The following MCU variants were observed in gnomAD, a reference collection of about 807,000 sequenced individuals.
MCU encodes the protein calcium uniporter protein, mitochondrial.
Under a neutral mutation model 45.2 loss-of-function variants are expected in MCU, and 12 were observed. The ratio of observed to expected loss-of-function variants is 0.27; its 90% CI spans 0.17 to 0.43. The LOEUF is 0.43. Ranked by LOEUF, MCU falls within the 20% of genes least tolerant of loss-of-function variation. MCU has a pLI of 1.00. For missense variants in MCU, 324 were observed against 436.7 expected (o/e 0.74, Z 2.30); for synonymous variants, 160 against 165.1 (o/e 0.97, Z 0.24).
At chr10:72,881,587 T>C (rs1273005159) in intron 6 of MCU, among the ~76,000 whole-genome samples, 4 of 152,126 alleles carry the variant, frequency 2.6e-5, no homozygotes, top group East Asian at 1.9e-4. Context: ...AGAGGGTAAA[T>C]AGGCTGGAAG....
At chr10:72,755,012 A>G (rs1487160041) in intron 1 of MCU, among the ~76,000 whole-genome samples, 4 of 152,118 alleles carry the variant, frequency 2.6e-5, no homozygotes, top group Non-Finnish European at 5.9e-5. Flanking sequence ...TGGTATCACT[A>G]CCTAGTTAGC....
At chr10:72,704,681 G>T (rs1170851937) in intron 1 of MCU, among the ~76,000 whole-genome samples, 5 of 150,476 alleles carry the variant, frequency 3.3e-5, no homozygotes, top group Non-Finnish European at 7.4e-5. Context: ...GGGACTACAG[G>T]CATGCACTGT....
At chr10:72,756,968 T>A (rs1371890754) in intron 1 of MCU, 1 of 146,744 alleles carries the variant, frequency 6.8e-6, no homozygotes, top group African/African-American at 2.5e-5. Flanking sequence ...AACTCAGGAG[T>A]ATGGGTCCAG....
chr10:72,814,620 C>T (rs918546192), intron 1 of MCU, among the ~76,000 whole-genome samples: 4 of 152,094 alleles, frequency 2.6e-5, no homozygotes, highest in African/African-American at 7.2e-5. Context: ...AGCTCAGCCC[C>T]GGAATACAAA....
rs368919882 is a variant in MCU at position 72,744,011 on chromosome 10, TTA to T, written c.150+51722_150+51723del. 1.5e-3 allele frequency among the ~76,000 whole-genome samples: 231 copies of T among 150,802 alleles called. 2 individuals carry two copies. The highest frequency in any genetic ancestry group is 4.8e-3 in the African/African-American group (199 of 41,208). ...ATTTTCATGTCTCTCCCTTAATAGT[TTA>T]TATATATATATGTATGTGTATTTAT... On this transcript the variant is annotated intron_variant, in intron 1 of 7. Coordinates refer to ENST00000373053, the MANE Select transcript of MCU (RefSeq NM_138357.3).
At chr10:72,737,701 G>T (rs1186525539) in intron 1 of MCU, among the ~76,000 whole-genome samples, 4 of 151,924 alleles carry the variant, frequency 2.6e-5, no homozygotes, top group Admixed American at 2.6e-4. Flanking sequence ...TGTGTTTTTA[G>T]TAGAGATGGG....
intron 5 of MCU, among the ~76,000 whole-genome samples, chr10:72,869,640 AAAT>A (rs1285682224): frequency 6.6e-6 from 1 of 152,152 alleles, no homozygotes; most frequent in Non-Finnish European, 1.5e-5. Flanking sequence ...AACAACAAAA[AAAT>A]ACAAATTTTA....
Position 72,710,543 on chromosome 10 carries a change from G to GTTT in MCU, c.150+18267_150+18269dup, listed in dbSNP as rs555887994. Among the ~76,000 whole-genome samples, 77 of 84,296 alleles carry GTTT rather than the reference G, an allele frequency of 9.1e-4. 3 individuals carry two copies. Among genetic ancestry groups the GTTT allele is most frequent in the African/African-American group, 1.7e-3 (33 of 19,970 alleles). The allele number at this position is 84,296 out of a possible 152,430, so 55.3% of individuals were successfully genotyped here. ...TGGAAAGGCCATTCCATCACCTAAG[G>GTTT]TTTTTTTTTTTTTTTTTTTTTTTTT... On this transcript the variant is annotated intron_variant, in intron 1 of 7. Transcript: ENST00000373053.
chr10:72,875,229 T>C (rs1374189689), intron 6 of MCU, among the ~76,000 whole-genome samples: 1 of 152,164 alleles, frequency 6.6e-6, no homozygotes, highest in Non-Finnish European at 1.5e-5. Context: ...GAGTAACTTT[T>C]GAAAACTATA....
intron 4 of MCU, among the ~76,000 whole-genome samples, chr10:72,865,344 C>G (rs532993482): frequency 6.6e-6 from 1 of 152,220 alleles, no homozygotes; most frequent in African/African-American, 2.4e-5. Context: ...TGGAAATAAT[C>G]ATAAATTGAA....
chr10:72,793,719 G>C (rs1238003685), intron 1 of MCU, among the ~76,000 whole-genome samples: 1 of 152,040 alleles, frequency 6.6e-6, no homozygotes, highest in Admixed American at 6.6e-5. Flanking sequence ...ATATCTACAT[G>C]TGGTCTGTGT....
chr10:72,696,710 A>G (rs1391700470), intron 1 of MCU, among the ~76,000 whole-genome samples: 1 of 152,140 alleles, frequency 6.6e-6, no homozygotes, highest in African/African-American at 2.4e-5. Flanking sequence ...TGCTGGGTAC[A>G]TAGGTGACAC....
intron 1 of MCU, among the ~76,000 whole-genome samples, chr10:72,765,778 CG>C (rs1482153312): frequency 1.2e-4 from 15 of 124,052 alleles, no homozygotes; most frequent in Admixed American, 3.5e-4. Context: ...CAAAGCCAGA[CG>C]CTGTCTCAAA....
chr10:72,868,195 T>G (rs2094193140), intron 4 of MCU, among the ~76,000 whole-genome samples: 1 of 152,212 alleles, frequency 6.6e-6, no homozygotes, highest in Non-Finnish European at 1.5e-5. Flanking sequence ...TATTTCAAAT[T>G]TTTTGAGTTA....
chr10:72,851,483 C>A (rs1195265216), intron 2 of MCU, among the ~76,000 whole-genome samples: 1 of 152,048 alleles, frequency 6.6e-6, no homozygotes, highest in Non-Finnish European at 1.5e-5. Flanking sequence ...AAATTGGAGA[C>A]CAGGATTCTT....
At chr10:72,725,565 G>A (rs1564539363) in intron 1 of MCU, among the ~76,000 whole-genome samples, 1 of 152,068 alleles carries the variant, frequency 6.6e-6, no homozygotes, top group Non-Finnish European at 1.5e-5. Flanking sequence ...ATGAGCCATT[G>A]TGCCTGGCTC....
At chr10:72,848,421 A>G (rs1845154381) in intron 2 of MCU, among the ~76,000 whole-genome samples, 1 of 152,068 alleles carries the variant, frequency 6.6e-6, no homozygotes, top group South Asian at 2.1e-4. Context: ...CACAGAAGAC[A>G]GAGAGGGGAA....
chr10:72,783,397 G>A (rs1844024279), intron 1 of MCU, among the ~76,000 whole-genome samples: 1 of 151,992 alleles, frequency 6.6e-6, no homozygotes, highest in South Asian at 2.1e-4. Flanking sequence ...ATGTGTTTTG[G>A]ACTCAGGTGT....
At chr10:72,762,853 A>G (rs1273018933) in intron 1 of MCU, among the ~76,000 whole-genome samples, 1 of 152,118 alleles carries the variant, frequency 6.6e-6, no homozygotes. Context: ...TTAAAATAAC[A>G]AATTTATTAT....
Sources: allele counts gnomAD v4.1 joint callset (sites outside exome capture counted in the v4.1 genomes callset), GRCh38; gene constraint gnomAD v4.1.1; transcripts MANE v1.5; gene names NCBI Gene and HGNC (gene_info 2026-07-23, HGNC 2026-07-21).